Variants in PCDH9 observed in about 807,000 individuals in gnomAD.
PCDH9 encodes the protein protocadherin-9.
In PCDH9, 24 loss-of-function variants were observed where a neutral mutation model predicts 70.6. That is an observed-to-expected ratio of 0.34 (90% CI 0.25 to 0.48). The LOEUF (loss-of-function observed/expected upper bound fraction) is 0.48, where lower values mean the gene tolerates loss of function less well. Ranked by LOEUF, PCDH9 falls within the 20% of genes least tolerant of loss-of-function variation. The pLI is 0.99. For missense variants in PCDH9, 1,281 were observed against 1,503.6 expected (o/e 0.85, Z 2.45); for synonymous variants, 562 against 558.5 (o/e 1.01, Z -0.09).
At chr13:67,126,313 A>G (rs2086979093) in intron 2 of PCDH9, among the ~76,000 whole-genome samples, 1 of 152,210 alleles carries the variant, frequency 6.6e-6, no homozygotes, top group South Asian at 2.1e-4. Context: ...TCACCAGATC[A>G]GAGTAGCCAA....
intron 2 of PCDH9, among the ~76,000 whole-genome samples, chr13:66,983,547 G>C (rs1245496418): frequency 6.6e-6 from 1 of 152,090 alleles, no homozygotes; most frequent in Non-Finnish European, 1.5e-5. Context: ...AAGGTAATTG[G>C]GAACTGATTA....
intron 2 of PCDH9, among the ~76,000 whole-genome samples, chr13:66,991,782 T>C (rs1385456614): frequency 6.6e-6 from 1 of 152,000 alleles, no homozygotes; most frequent in African/African-American, 2.4e-5. Flanking sequence ...TTTTCCTCCA[T>C]GGAAAATAAT....
chr13:66,745,788 C>T lies in PCDH9; in HGVS notation c.3139-114377G>A, dbSNP rs529027130. Reference sequence around the variant, plus strand: ...GCATGAAAGAGTAATTTGTTGTGCACATAAAATAAAATTTATGTTTTGAAG... The same window carrying T: ...GCATGAAAGAGTAATTTGTTGTGCATATAAAATAAAATTTATGTTTTGAAG... On this transcript the variant is annotated intron_variant, in intron 3 of 4. Coordinates refer to ENST00000377865, the MANE Select transcript of PCDH9 (RefSeq NM_203487.3). Among the ~76,000 whole-genome samples the T allele has an allele frequency of 3.9e-5, 6 of 152,114 alleles. 1 individual carries two copies. The South Asian group carries it at 1.2e-3, about 32-fold the overall frequency.
At chr13:66,543,637 G>A (rs981467386) in intron 4 of PCDH9, among the ~76,000 whole-genome samples, 2 of 151,818 alleles carry the variant, frequency 1.3e-5, no homozygotes, top group Non-Finnish European at 2.9e-5. Context: ...AGTTTGAGAA[G>A]TGAATATTCA....
chr13:66,466,772 A>G (rs912821625), intron 4 of PCDH9, among the ~76,000 whole-genome samples: 2 of 152,136 alleles, frequency 1.3e-5, no homozygotes, highest in African/African-American at 4.8e-5. Context: ...GTTTTAATAT[A>G]CCTGGAGTGG....
chr13:67,178,509 A>G (rs1329996944), intron 2 of PCDH9, among the ~76,000 whole-genome samples: 1 of 152,082 alleles, frequency 6.6e-6, no homozygotes, highest in African/African-American at 2.4e-5. Flanking sequence ...TGCAACTTAG[A>G]AAAATGTCTA....
intron 3 of PCDH9, among the ~76,000 whole-genome samples, chr13:66,663,311 T>C (rs2078044385): frequency 6.6e-6 from 1 of 152,196 alleles, no homozygotes; most frequent in South Asian, 2.1e-4. Context: ...ATTTATTGTG[T>C]AGCTTAAATG....
intron 2 of PCDH9, among the ~76,000 whole-genome samples, chr13:67,102,892 T>G (rs2086462637): frequency 6.6e-6 from 1 of 152,134 alleles, no homozygotes; most frequent in Non-Finnish European, 1.5e-5. Context: ...ATGAAAAATC[T>G]GCTTGAGAGA....
At chr13:66,730,697 G>C (rs570162279) in intron 3 of PCDH9, among the ~76,000 whole-genome samples, 180 of 96,614 alleles carry the variant, frequency 1.9e-3, no homozygotes, top group Non-Finnish European at 2.7e-3. Flanking sequence ...TTTTTTTTTT[G>C]AGACAGAGTC....
At chr13:66,584,991 A>T (rs1241479894) in intron 4 of PCDH9, among the ~76,000 whole-genome samples, 1 of 152,142 alleles carries the variant, frequency 6.6e-6, no homozygotes, top group Non-Finnish European at 1.5e-5. Context: ...TTGTTTGTAG[A>T]AAGGCATATG....
chr13:67,155,055 G>A (rs1449359706), intron 2 of PCDH9, among the ~76,000 whole-genome samples: 2 of 152,016 alleles, frequency 1.3e-5, no homozygotes, highest in Non-Finnish European at 2.9e-5. Flanking sequence ...TTTGTCAAAG[G>A]TGTTTTACTT....
At chr13:66,644,798 T>A (rs975666946) in intron 3 of PCDH9, among the ~76,000 whole-genome samples, 1 of 152,116 alleles carries the variant, frequency 6.6e-6, no homozygotes, top group Admixed American at 6.5e-5. Context: ...CTTTAAAGTT[T>A]CTACATTAAA....
At chr13:67,047,055 T>C (rs2085235355) in intron 2 of PCDH9, among the ~76,000 whole-genome samples, 1 of 152,184 alleles carries the variant, frequency 6.6e-6, no homozygotes, top group Non-Finnish European at 1.5e-5. Context: ...GTGTAAGATA[T>C]GATACATATA....
intron 4 of PCDH9, among the ~76,000 whole-genome samples, chr13:66,479,250 T>C (rs1958792339): frequency 6.6e-6 from 1 of 152,162 alleles, no homozygotes; most frequent in Non-Finnish European, 1.5e-5. Flanking sequence ...TTATGGACAA[T>C]GTATGTGATT....
chr13:66,552,843 G>T (rs1476201138), intron 4 of PCDH9, among the ~76,000 whole-genome samples: 3 of 152,098 alleles, frequency 2.0e-5, no homozygotes, highest in Non-Finnish European at 4.4e-5. Context: ...AAAGGAAAGA[G>T]GTTTAATTGA....
intron 3 of PCDH9, among the ~76,000 whole-genome samples, chr13:66,691,827 G>A (rs148495853): frequency 6.1e-4 from 93 of 152,150 alleles, no homozygotes; most frequent in Admixed American, 4.9e-3. Context: ...TATTATAGTC[G>A]TAATATTTGA....
At chr13:67,012,634 C>T (rs1050027659) in intron 2 of PCDH9, among the ~76,000 whole-genome samples, 3 of 151,788 alleles carry the variant, frequency 2.0e-5, no homozygotes, top group Non-Finnish European at 4.4e-5. Context: ...TAGTGAGTCG[C>T]ATTTTTTTCC....
intron 3 of PCDH9, among the ~76,000 whole-genome samples, chr13:66,699,245 A>T (rs1302795621): frequency 6.6e-6 from 1 of 152,076 alleles, no homozygotes; most frequent in Non-Finnish European, 1.5e-5. Flanking sequence ...GTTTTTAATT[A>T]GCACAACAGG....
chr13:66,905,810 A>T (rs900686767), intron 2 of PCDH9, among the ~76,000 whole-genome samples: 2 of 152,164 alleles, frequency 1.3e-5, no homozygotes, highest in Non-Finnish European at 2.9e-5. Context: ...AATCCATCCT[A>T]TAACAGATTA....
Sources: allele counts gnomAD v4.1 joint callset (sites outside exome capture counted in the v4.1 genomes callset), GRCh38; gene constraint gnomAD v4.1.1; transcripts MANE v1.5; gene names NCBI Gene and HGNC (gene_info 2026-07-23, HGNC 2026-07-21).